Variants in CDC14B observed in about 807,000 individuals in gnomAD.
CDC14B encodes dual specificity protein phosphatase CDC14B.
A neutral mutation model predicts 64.2 loss-of-function variants in CDC14B; 22 were observed. The observed-to-expected ratio is 0.34, with a 90% CI of 0.24 to 0.49. The LOEUF is 0.49. Ranked by LOEUF, CDC14B falls within the 20% of genes least tolerant of loss-of-function variation. CDC14B has a pLI of 0.99. For synonymous variants in CDC14B, 191 were observed against 215.8 expected (o/e 0.89, Z 1.01); for missense variants, 498 against 629.9 (o/e 0.79, Z 2.24).
chr9:96,567,671 C>T (rs541812819), intron 1 of CDC14B, among the ~76,000 whole-genome samples: 26 of 152,110 alleles, frequency 1.7e-4, no homozygotes, highest in African/African-American at 2.2e-4. Flanking sequence ...GGATGGTTAT[C>T]GGAGGCTGGG....
At chr9:96,533,496 CAA>C (rs1349945494) in intron 9 of CDC14B, among the ~76,000 whole-genome samples, 4 of 152,144 alleles carry the variant, frequency 2.6e-5, no homozygotes, top group East Asian at 3.9e-4. Context: ...AATTAACTAA[CAA>C]GAGAGTTAAA....
intron 12 of CDC14B, among the ~76,000 whole-genome samples, chr9:96,512,467 A>G: frequency 6.6e-6 from 1 of 151,738 alleles, no homozygotes; most frequent in Admixed American, 6.6e-5. Flanking sequence ...CCACAGGTAC[A>G]TGCCACCACA....
chr9:96,569,760 G>A (rs1018974614), intron 1 of CDC14B, among the ~76,000 whole-genome samples: 7 of 152,122 alleles, frequency 4.6e-5, no homozygotes, highest in African/African-American at 1.7e-4. Flanking sequence ...AAGTAGCTGG[G>A]ATTACAGTCA....
intron 1 of CDC14B, among the ~76,000 whole-genome samples, chr9:96,604,136 C>G (rs894262491): frequency 1.3e-5 from 2 of 152,118 alleles, no homozygotes; most frequent in Non-Finnish European, 2.9e-5. Context: ...AATGGCTCAG[C>G]TCTTCCAGTC....
chr9:96,517,737 T>C (rs1835961657), intron 12 of CDC14B, among the ~76,000 whole-genome samples: 2 of 151,040 alleles, frequency 1.3e-5, no homozygotes, highest in Non-Finnish European at 3.0e-5. Flanking sequence ...GTTATCATAG[T>C]TCACTGTAAC....
intron 1 of CDC14B, among the ~76,000 whole-genome samples, chr9:96,609,297 T>C (rs1269017803): frequency 1.3e-5 from 2 of 152,116 alleles, no homozygotes; most frequent in Non-Finnish European, 2.9e-5. Flanking sequence ...AATGATCGAG[T>C]GACATTTCCA....
At chr9:96,549,766 C>T (rs1362339569) in intron 5 of CDC14B, among the ~76,000 whole-genome samples, 2 of 152,144 alleles carry the variant, frequency 1.3e-5, no homozygotes, top group African/African-American at 4.8e-5. Flanking sequence ...CTAGCTAAGT[C>T]TTGCCTTTTG....
In CDC14B at chr9:96,553,044, C is replaced by T. The variant is rs368687929; in HGVS notation, c.421-1172G>A. Among the ~76,000 whole-genome samples the T allele has an allele frequency of 7.9e-4, 121 of 152,318 alleles. 2 individuals are homozygous for T. In the South Asian group the frequency reaches 0.024, roughly 31 times the overall value. ...AGCATTCTGAAGTTGGGACCCATGT[C>T]TTATGGTTTCATTACACACCAATCC... On this transcript the variant is annotated intron_variant, in intron 4 of 13. Coordinates refer to ENST00000375241, the MANE Select transcript of CDC14B (RefSeq NM_033331.4).
intron 1 of CDC14B, among the ~76,000 whole-genome samples, chr9:96,606,907 G>A (rs925853805): frequency 6.6e-6 from 1 of 151,908 alleles, no homozygotes; most frequent in Non-Finnish European, 1.5e-5. Flanking sequence ...ATGGTGGTGT[G>A]CACCTGTAGT....
chr9:96,513,605 A>T (rs914378975), intron 12 of CDC14B, among the ~76,000 whole-genome samples: 1 of 152,230 alleles, frequency 6.6e-6, no homozygotes, highest in African/African-American at 2.4e-5. Context: ...TGAAATCTGC[A>T]ACCCAAGGAA....
chr9:96,495,137 A>C (rs1389713855), downstream of CDC14B, among the ~76,000 whole-genome samples: 2 of 152,050 alleles, frequency 1.3e-5, no homozygotes, highest in African/African-American at 4.8e-5. Context: ...CCTGGCCTGA[A>C]CACTTTCTTT....
Position 96,619,492 on chromosome 9 carries a change from G to A in CDC14B, c.-114C>T. ...CTCGGGGCGGCGGGCGCAGAGCGGC[G>A]CTGCGGGGACGGCGGGCGCCGGCAG... is the stretch of plus-strand genomic sequence containing the variant. On this transcript the variant is annotated 5_prime_UTR_variant, in exon 1 of 14. Coordinates refer to ENST00000375241, the MANE Select transcript of CDC14B (RefSeq NM_033331.4). 1 of 480,802 alleles carries A rather than the reference G, an allele frequency of 2.1e-6. No individual in the cohort carries two copies. Among genetic ancestry groups the A allele is most frequent in the Non-Finnish European group, 2.7e-6 (1 of 372,142 alleles). 29.8% of individuals were successfully genotyped at this position (480,802 alleles called of 1,614,324 possible).
intron 1 of CDC14B, among the ~76,000 whole-genome samples, chr9:96,580,385 C>T (rs984998879): frequency 6.6e-6 from 1 of 152,090 alleles, no homozygotes; most frequent in African/African-American, 2.4e-5. Flanking sequence ...GCATGCACCA[C>T]CACGCCCGGC....
At chr9:96,505,184 T>TA (rs751327969) in intron 13 of CDC14B, among the ~76,000 whole-genome samples, 1,986 of 137,288 alleles carry the variant, frequency 0.014, 27 homozygotes, top group African/African-American at 0.042. Context: ...CTGTCTCATT[T>TA]AAAAAAAAAA....
At chr9:96,586,306 T>C (rs1845454191) in intron 1 of CDC14B, among the ~76,000 whole-genome samples, 1 of 152,228 alleles carries the variant, frequency 6.6e-6, no homozygotes, top group Non-Finnish European at 1.5e-5. Flanking sequence ...TGTTACAGAC[T>C]GTTGACAGTA....
intron 1 of CDC14B, among the ~76,000 whole-genome samples, chr9:96,575,143 T>A (rs1172324556): frequency 2.6e-5 from 4 of 152,224 alleles, no homozygotes; most frequent in African/African-American, 9.7e-5. Flanking sequence ...GAGGAGGCAC[T>A]ATTCTACACA....
At chr9:96,605,035 G>A (rs918386729) in intron 1 of CDC14B, among the ~76,000 whole-genome samples, 4 of 152,066 alleles carry the variant, frequency 2.6e-5, no homozygotes, top group African/African-American at 9.7e-5. Context: ...AATCCGCCCT[G>A]TCACATGCAT....
Position 96,508,990 on chromosome 9 carries a change from G to A in CDC14B, c.1460+683C>T, listed in dbSNP as rs114753320. ...GCATGGGCTGCCAACACCAGGCAAC[G>A]ATGAAAAGGTGCCCCCTTCTACTCC... On this transcript the variant is annotated intron_variant, in intron 13 of 13. Coordinates refer to ENST00000375241, the MANE Select transcript of CDC14B (RefSeq NM_033331.4). 5.0e-3 allele frequency among the ~76,000 whole-genome samples: 760 copies of A among 152,172 alleles called. 7 individuals are homozygous for A. Among genetic ancestry groups the A allele is most frequent in the African/African-American group, 0.017 (722 of 41,448 alleles).
intron 1 of CDC14B, among the ~76,000 whole-genome samples, chr9:96,597,436 G>T (rs1846156885): frequency 6.6e-6 from 1 of 151,388 alleles, no homozygotes; most frequent in African/African-American, 2.4e-5. Context: ...GGAGGTTGCA[G>T]TGAGCCGAGA....
Sources: allele counts gnomAD v4.1 joint callset (sites outside exome capture counted in the v4.1 genomes callset), GRCh38; gene constraint gnomAD v4.1.1; transcripts MANE v1.5; gene names NCBI Gene and HGNC (gene_info 2026-07-23, HGNC 2026-07-21).